Variants in SAMD5 observed in about 807,000 individuals in gnomAD.
SAMD5 encodes sterile alpha motif domain-containing protein 5.
In SAMD5, 13 loss-of-function variants were observed where a neutral mutation model predicts 11.3. That is an observed-to-expected ratio of 1.15 (90% CI 0.75 to 1.83). The LOEUF (loss-of-function observed/expected upper bound fraction) is 1.83. Among genes scored for constraint, SAMD5 ranks in the 40% most tolerant of loss-of-function variants. The pLI is 0.00. For synonymous variants in SAMD5, 129 were observed against 111.3 expected, an observed-to-expected ratio of 1.16 and a Z score of -1.00; for missense variants, 255 against 239.1, an observed-to-expected ratio of 1.07 and a Z score of -0.44.
At chr6:147,811,825 A>C in the SAMD5 span, among the ~76,000 whole-genome samples, 2 of 152,354 alleles carry the variant, frequency 1.3e-5, no homozygotes, top group East Asian at 3.9e-4. Flanking sequence ...GTGGCTGATG[A>C]GTTCACTTTT....
chr6:147,895,489 G>A, the SAMD5 span, among the ~76,000 whole-genome samples: 1 of 152,198 alleles, frequency 6.6e-6, no homozygotes, highest in Non-Finnish European at 1.5e-5. Flanking sequence ...ACATTTGCCA[G>A]GGGAATTCAG....
chr6:147,804,122 T>C, the SAMD5 span, among the ~76,000 whole-genome samples: 2 of 150,880 alleles, frequency 1.3e-5, no homozygotes, highest in Admixed American at 6.6e-5. Flanking sequence ...TTTTTTTTTT[T>C]TTTTTTTGAT....
In SAMD5 at chr6:147,536,941, A is replaced by G. The variant is rs1195525039; in HGVS notation, c.460-27453A>G. On this transcript the variant is annotated intron_variant, in intron 1 of 1. Coordinates refer to ENST00000367474, the MANE Select transcript of SAMD5 (RefSeq NM_001030060.3). ...ACCCACATTTAAGAGCACCTGTTAA[A>G]TTTTATAGCTGATTATACAATTATT... is the stretch of plus-strand genomic sequence containing the variant. Among the ~76,000 whole-genome samples the G allele has an allele frequency of 2.6e-5, 4 of 152,172 alleles. No homozygotes were observed. The East Asian group carries it at 7.7e-4, about 29-fold the overall frequency.
At chr6:147,527,785 G>A (rs1345859984) in intron 1 of SAMD5, among the ~76,000 whole-genome samples, 1 of 151,696 alleles carries the variant, frequency 6.6e-6, no homozygotes, top group African/African-American at 2.4e-5. Flanking sequence ...AAGAAAATAG[G>A]TGTTTTTAAT....
At chr6:147,730,554 T>A (rs370866545) in intron 1 of SAMD5, among the ~76,000 whole-genome samples, 2 of 152,102 alleles carry the variant, frequency 1.3e-5, no homozygotes, top group African/African-American at 4.8e-5. Context: ...GGAGTTCAGT[T>A]TGGGGTAGCT....
chr6:147,891,549 T>A, the SAMD5 span, among the ~76,000 whole-genome samples: 4 of 151,560 alleles, frequency 2.6e-5, no homozygotes, highest in East Asian at 7.7e-4. Context: ...TATGATGAGA[T>A]TAAATGTGTA....
chr6:147,713,499 C>G (rs762616140), intron 1 of SAMD5, among the ~76,000 whole-genome samples: 42 of 152,100 alleles, frequency 2.8e-4, no homozygotes, highest in Admixed American at 4.6e-4. Context: ...CTGAGAATTG[C>G]AAGCAAGCGG....
At chr6:147,578,808 A>C (rs966867760) in intron 1 of SAMD5, among the ~76,000 whole-genome samples, 3 of 151,950 alleles carry the variant, frequency 2.0e-5, no homozygotes, top group Non-Finnish European at 4.4e-5. Context: ...AAAAAACCCA[A>C]TCTATATTTG....
Position 147,565,634 on chromosome 6 carries a change from ATTT to A in SAMD5, c.*1181_*1183del. The A allele has an allele frequency of 2.0e-6, 1 of 490,682 alleles. No individual in the cohort carries two copies. Among genetic ancestry groups the A allele is most frequent in the East Asian group, 1.5e-4 (1 of 6,550 alleles). The allele number at this position is 490,682 out of a possible 1,614,324, so 30.4% of individuals were successfully genotyped here. A position where few individuals can be genotyped will look rare whatever the true frequency, so the allele number is the denominator to read the frequency against. ...CACCACACCCAGCTAATTTTTTTGTATTTTTAGTAGAGATGGGGTTTTACCATG... is the reference window on the plus strand; with the variant it reads ...CACCACACCCAGCTAATTTTTTTGTATTAGTAGAGATGGGGTTTTACCATG... On this transcript the variant is annotated 3_prime_UTR_variant, in exon 2 of 2. Transcript: ENST00000367474.
At chr6:147,849,151 T>A in the SAMD5 span, among the ~76,000 whole-genome samples, 1 of 122,218 alleles carries the variant, frequency 8.2e-6, no homozygotes, top group African/African-American at 3.4e-5. Context: ...CCCTGTTCTA[T>A]ATGTGAATTT....
chr6:147,616,226 T>C (rs57668035), intron 1 of SAMD5, among the ~76,000 whole-genome samples: 16,344 of 131,320 alleles, frequency 0.12, 2,863 homozygotes, highest in African/African-American at 0.38. Flanking sequence ...CATATATATT[T>C]ATTCATATAT....
At chr6:147,646,866 G>A (rs71547194) in intron 1 of SAMD5, among the ~76,000 whole-genome samples, 13,310 of 151,572 alleles carry the variant, frequency 0.088, 892 homozygotes, top group East Asian at 0.26. Context: ...GGCCAGGCGT[G>A]GTGGCTCATG....
At chr6:147,719,630 C>T (rs1791518366) in intron 1 of SAMD5, among the ~76,000 whole-genome samples, 1 of 152,122 alleles carries the variant, frequency 6.6e-6, no homozygotes, top group South Asian at 2.1e-4. Context: ...CAGCAAGTAT[C>T]AGAATTTCAT....
the SAMD5 span, among the ~76,000 whole-genome samples, chr6:147,814,647 G>T: frequency 2.0e-5 from 3 of 152,162 alleles, no homozygotes; most frequent in African/African-American, 7.2e-5. Context: ...GAAGCACACC[G>T]TGTAGTTTAG....
the SAMD5 span, among the ~76,000 whole-genome samples, chr6:147,769,296 A>C: frequency 6.6e-6 from 1 of 152,234 alleles, no homozygotes; most frequent in Non-Finnish European, 1.5e-5. Context: ...TAGAGAGTGA[A>C]GCTCCATTAT....
the SAMD5 span, among the ~76,000 whole-genome samples, chr6:147,837,825 T>C: frequency 2.0e-5 from 3 of 152,188 alleles, no homozygotes; most frequent in Admixed American, 2.0e-4. Flanking sequence ...TAAACTGTAA[T>C]GCCACTCTGA....
At chr6:147,792,177 G>A in the SAMD5 span, among the ~76,000 whole-genome samples, 20,240 of 152,130 alleles carry the variant, frequency 0.13, 1,715 homozygotes, top group East Asian at 0.36. Flanking sequence ...GAGACAAGTT[G>A]CAAACATAAA....
At chr6:147,703,418 T>C (rs988645050) in intron 1 of SAMD5, among the ~76,000 whole-genome samples, 2 of 152,184 alleles carry the variant, frequency 1.3e-5, no homozygotes, top group Admixed American at 1.3e-4. Flanking sequence ...ATTTTGACGG[T>C]CTGCATTTCA....
the SAMD5 span, among the ~76,000 whole-genome samples, chr6:147,878,566 AC>A: frequency 6.8e-6 from 1 of 146,988 alleles, no homozygotes; most frequent in South Asian, 2.1e-4. Flanking sequence ...AGATATATAT[AC>A]TAGATATATC....
Sources: gnomAD v4.1 joint callset for allele counts (sites outside exome capture counted in the v4.1 genomes callset) on GRCh38, gnomAD v4.1.1 for gene constraint, MANE v1.5 for transcripts, NCBI Gene and HGNC (gene_info 2026-07-23, HGNC 2026-07-21) for gene names.